The following TTC12 variants were observed in gnomAD, a reference collection of about 807,000 sequenced individuals.
TTC12 encodes the protein tetratricopeptide repeat domain 12, also known as tetratricopeptide repeat protein 12.
In TTC12, 70 loss-of-function variants were observed where a neutral mutation model predicts 90.1. The ratio of observed to expected loss-of-function variants is 0.78; its 90% CI spans 0.64 to 0.95. The LOEUF is 0.95. Ranked by LOEUF, TTC12 falls within the 40% of genes least tolerant of loss-of-function variation. TTC12 has a pLI of 0.00. For synonymous variants in TTC12, 296 were observed against 311.5 expected, an observed-to-expected ratio of 0.95 and a Z score of 0.53; for missense variants, 819 against 846.1, an observed-to-expected ratio of 0.97 and a Z score of 0.40.
chr11:113,368,342 A>G, downstream of TTC12: 2 of 1,547,268 alleles, frequency 1.3e-6, no homozygotes, highest in Non-Finnish European at 1.7e-6. Context: ...TGTTACCCCT[A>G]ACACATGCTA....
At position 113,331,881 on chromosome 11, in the gene TTC12, G is replaced by GA. The variant is rs201071039; in HGVS notation, c.504+1911dup. Among the ~76,000 whole-genome samples the GA allele has an allele frequency of 4.7e-3, 706 of 150,564 alleles. 3 individuals are homozygous for GA. The highest frequency in any genetic ancestry group is 0.016 in the African/African-American group (661 of 41,124). ...ATTGGGTAAACACTTGGAGAAATGA[G>GA]AAAAAAAAATGTACAAAGAGTTCTA... is the stretch of plus-strand genomic sequence containing the variant. On this transcript the variant is annotated intron_variant, in intron 7 of 21. Coordinates refer to ENST00000529221, the MANE Select transcript of TTC12 (RefSeq NM_017868.4).
chr11:113,338,852 G>A lies in TTC12; in HGVS notation c.637+18G>A. On this transcript the variant is annotated intron_variant, in intron 9 of 21. Coordinates refer to ENST00000529221, the MANE Select transcript of TTC12 (RefSeq NM_017868.4). The stretch of plus-strand genomic sequence containing the variant: ...GGTGAAAGGTGAGCACGTTCCTGCT[G>A]AGGTCCTTCATCTGAACTCCACCTC... The A allele has an allele frequency of 6.2e-7, 1 of 1,612,596 alleles. No individual in the cohort carries two copies. Among genetic ancestry groups the A allele is most frequent in the Non-Finnish European group, 8.5e-7 (1 of 1,178,660 alleles).
Position 113,365,042 on chromosome 11 carries a change from T to G in TTC12, c.2024T>G (p.Leu675Arg), listed in dbSNP as rs1365708014. 6.2e-7 allele frequency: 1 copy of G among 1,613,930 alleles called. No homozygotes were observed. Among genetic ancestry groups the G allele is most frequent in the Non-Finnish European group, 8.5e-7 (1 of 1,179,910 alleles). ...QVNAGIALGKLCTAEPRFAAQ... is the reference protein window; with the variant it reads ...QVNAGIALGKRCTAEPRFAAQ... ...AACGCAGGCATTGCTCTGGGGAAGC[T>G]GTGCACAGCTGAGCCCAGGTATGCT... Residue 675 changes from leucine (L) to arginine (R), a missense_variant, in exon 21 of 22, where the codon CTG becomes CGG. By Grantham distance (102) the Leu-to-Arg change is moderately radical. Coordinates refer to ENST00000529221, the MANE Select transcript of TTC12 (RefSeq NM_017868.4).
chr11:113,367,016 A>C (rs146060797), downstream of TTC12, among the ~76,000 whole-genome samples: 296 of 152,338 alleles, frequency 1.9e-3, no homozygotes, highest in African/African-American at 6.9e-3. Context: ...TGACTGATGC[A>C]AATGTGTTGA....
intron 11 of TTC12, among the ~76,000 whole-genome samples, chr11:113,341,058 C>T (rs564314770): frequency 2.9e-4 from 44 of 152,122 alleles, no homozygotes; most frequent in African/African-American, 6.3e-4. Context: ...GGTGAAACCC[C>T]GACTCCACTA....
chr11:113,318,280 G>A (rs1314631757), intron 2 of TTC12, among the ~76,000 whole-genome samples: 1 of 152,044 alleles, frequency 6.6e-6, no homozygotes. Context: ...TTGGGAGGTT[G>A]TATTAGTCGG....
chr11:113,341,466 T>TGGAAAGCTGATGTCTAGAC (rs1948678461), intron 11 of TTC12, among the ~76,000 whole-genome samples: 1 of 152,194 alleles, frequency 6.6e-6, no homozygotes, highest in African/African-American at 2.4e-5. Context: ...TAGGATGCAG[T>TGGAAAGCTGATGTCTAGAC]TTGCTAAAGT....
downstream of TTC12, chr11:113,368,146 G>C: frequency 7.5e-7 from 1 of 1,336,942 alleles, no homozygotes; most frequent in African/African-American, 1.5e-5. Context: ...TCCCCAAAGA[G>C]TGGGGAATGT....
At chr11:113,320,464 C>T (rs1555137832) in intron 2 of TTC12, among the ~76,000 whole-genome samples, 1 of 152,086 alleles carries the variant, frequency 6.6e-6, no homozygotes, top group Non-Finnish European at 1.5e-5. Flanking sequence ...GGGAGTTGGG[C>T]CACTGGATGG....
intron 16 of TTC12, among the ~76,000 whole-genome samples, chr11:113,356,003 T>C (rs1949613449): frequency 6.6e-6 from 1 of 152,234 alleles, no homozygotes; most frequent in African/African-American, 2.4e-5. Flanking sequence ...CTTTGTTGAT[T>C]TTCTATCTCA....
At chr11:113,315,619 G>A (rs1184880561) in intron 1 of TTC12, among the ~76,000 whole-genome samples, 2 of 152,170 alleles carry the variant, frequency 1.3e-5, no homozygotes, top group Non-Finnish European at 2.9e-5. Flanking sequence ...ACTGAGTACT[G>A]CTGGGTACAC....
At chr11:113,331,979 T>C (rs1377704795) in intron 7 of TTC12, among the ~76,000 whole-genome samples, 1 of 152,246 alleles carries the variant, frequency 6.6e-6, no homozygotes, top group Non-Finnish European at 1.5e-5. Flanking sequence ...TTAAAATTAA[T>C]GTATCAATAG....
intron 2 of TTC12, among the ~76,000 whole-genome samples, chr11:113,318,356 T>A (rs928995348): frequency 1.3e-4 from 20 of 152,236 alleles, no homozygotes; most frequent in African/African-American, 4.6e-4. Context: ...CTTAGAGTTC[T>A]GGAGTTTAGA....
At chr11:113,368,423 A>T (rs1261686218), downstream of TTC12, 12 of 1,550,288 alleles carry the variant, frequency 7.7e-6, no homozygotes, top group Non-Finnish European at 1.0e-5. Flanking sequence ...TCCACTTGCC[A>T]GGAGCCCCGA....
intron 6 of TTC12, among the ~76,000 whole-genome samples, chr11:113,328,434 A>C (rs1440973546): frequency 2.6e-5 from 4 of 152,190 alleles, no homozygotes; most frequent in Non-Finnish European, 5.9e-5. Flanking sequence ...CGGAATTCTG[A>C]GTCAATTCTT....
chr11:113,323,640 C>G (rs17115349), intron 3 of TTC12, among the ~76,000 whole-genome samples, 189 bp downstream of exon 3: 2 of 151,704 alleles, frequency 1.3e-5, no homozygotes, highest in South Asian at 2.1e-4. Flanking sequence ...TTTAAACAAC[C>G]CTTTGGATCT....
At chr11:113,351,973 T>C (rs1175636631) in intron 15 of TTC12, 97 bp from the exon 16 acceptor site, 4 of 1,422,026 alleles carry the variant, frequency 2.8e-6, no homozygotes, top group Non-Finnish European at 3.8e-6. Flanking sequence ...ATCTGGTTGG[T>C]TCGTGGGCCT....
chr11:113,344,177 G>A (rs1948822394), intron 12 of TTC12, 95 bp from the exon 13 acceptor site: 5 of 1,316,092 alleles, frequency 3.8e-6, no homozygotes, highest in Admixed American at 4.2e-5. Context: ...AAATGAGTGG[G>A]CACCAGTTGA....
intron 3 of TTC12, among the ~76,000 whole-genome samples, chr11:113,323,722 T>C (rs1947501744): frequency 6.6e-6 from 1 of 152,126 alleles, no homozygotes; most frequent in African/African-American, 2.4e-5. Flanking sequence ...TTTAAGGTAA[T>C]GTATTCTAAC....
Sources: gnomAD v4.1 joint callset for allele counts (sites outside exome capture counted in the v4.1 genomes callset) on GRCh38, gnomAD v4.1.1 for gene constraint, MANE v1.5 for transcripts, NCBI Gene and HGNC (gene_info 2026-07-23, HGNC 2026-07-21) for gene names.